PDE9A: variants seen among roughly 807,000 people sequenced by gnomAD.
PDE9A encodes phosphodiesterase 9A.
PDE9A carries 60 observed loss-of-function variants against 87.4 expected under a neutral mutation model. The observed-to-expected ratio is 0.69, with a 90% confidence interval of 0.56 to 0.85. The LOEUF is 0.85. Among genes scored for constraint, PDE9A ranks in the 40% least tolerant of loss-of-function variants. PDE9A has a pLI of 0.00. For missense variants in PDE9A, 665 were observed against 779.0 expected (o/e 0.85, Z 1.74); for synonymous variants, 272 against 279.4 (o/e 0.97, Z 0.27).
Position 42,768,193 on chromosome 21 carries a change from G to T in PDE9A, c.1362G>T (p.Lys454Asn), listed in dbSNP as rs756000229. 6.3e-7 allele frequency: 1 copy of T among 1,596,990 alleles called. No individual in the cohort carries two copies. The highest frequency in any genetic ancestry group is 8.6e-7 in the Non-Finnish European group (1 of 1,164,286). ...TCCAAAATCTCTTCTTTCAGCTGAA[G>T]ATGATTTTGATAAAATGCTGTGATA... ...YSNEEHMTLL[K>N]MILIKCCDIS... Residue 454 changes from lysine (K) to asparagine (N), a missense_variant, in exon 16 of 20, where the codon AAG (lysine) becomes AAT (asparagine). By Grantham distance (94) the Lys-to-Asn change is moderately conservative. Transcript: ENST00000291539.
At chr21:42,756,213 T>C (rs948538396) in intron 10 of PDE9A, among the ~76,000 whole-genome samples, 5 of 152,300 alleles carry the variant, frequency 3.3e-5, no homozygotes, top group African/African-American at 1.2e-4. Context: ...AGTATCTAGC[T>C]GCCTGTGTGT....
chr21:42,684,148 C>T (rs556423899), intron 1 of PDE9A, among the ~76,000 whole-genome samples: 8 of 152,382 alleles, frequency 5.2e-5, no homozygotes, highest in Admixed American at 2.0e-4. Context: ...GCCAGAAGCA[C>T]GCTTTGAAGA....
chr21:42,760,276 A>T lies in PDE9A; in HGVS notation c.898-52A>T. ...CAGCCTTCTGGGTGGCTTTGGGAGG[A>T]GAGGTGGGCGGGCCCAGGCACAGGG... On this transcript the variant is annotated intron_variant, in intron 11 of 19. Coordinates refer to ENST00000291539, the MANE Select transcript of PDE9A (RefSeq NM_002606.3). The surrounding 1 kb of genome is among the most constrained non-coding windows in gnomAD (Gnocchi z 5.2). 5.7e-6 allele frequency: 6 copies of T among 1,057,074 alleles called. No homozygotes were observed. The highest frequency in any genetic ancestry group is 8.8e-6 in the Non-Finnish European group (6 of 682,704). The allele number at this position is 1,057,074 out of a possible 1,614,324, so 65.5% of individuals were successfully genotyped here.
rs1324979329 is a variant in PDE9A at position 42,704,380 on chromosome 21, GCTTTT to G, written c.262+5374_262+5378del. Among the ~76,000 whole-genome samples, 1 of 150,268 alleles carries G rather than the reference GCTTTT, an allele frequency of 6.7e-6. No individual in the cohort carries two copies. Among genetic ancestry groups the G allele is most frequent in the Non-Finnish European group, 1.5e-5 (1 of 67,754 alleles). ...CTCTCCAAATAGGCCAGTGTTCCAGGCTTTTCTTTAGGAGACAAAGTCGGTGTCAG... is the reference window on the plus strand; with the variant it reads ...CTCTCCAAATAGGCCAGTGTTCCAGGCTTTAGGAGACAAAGTCGGTGTCAG... On this transcript the variant is annotated intron_variant, in intron 4 of 19. Coordinates refer to ENST00000291539, the MANE Select transcript of PDE9A (RefSeq NM_002606.3). The surrounding 1 kb of genome is among the most constrained non-coding windows in gnomAD (Gnocchi z 5.3).
chr21:42,739,856 A>G lies in PDE9A; in HGVS notation c.569-3920A>G, dbSNP rs1238853224. On this transcript the variant is annotated intron_variant, in intron 7 of 19. Transcript: ENST00000291539. This position sits in a 1 kb window ranked among gnomAD's most constrained non-coding sequence, Gnocchi z 4.1. The stretch of plus-strand genomic sequence containing the variant: ...ATTTAGCAGCAAAAATGTGATCTGA[A>G]CTGACATGAAGCCCTTGGTATTTAT... Among the ~76,000 whole-genome samples the G allele has an allele frequency of 6.6e-6, 1 of 152,030 alleles. No individual in the cohort carries two copies. The highest frequency in any genetic ancestry group is 1.5e-5 in the Non-Finnish European group (1 of 67,998).
intron 19 of PDE9A, among the ~76,000 whole-genome samples, chr21:42,773,928 C>T (rs2057281825): frequency 6.8e-6 from 1 of 146,788 alleles, no homozygotes; most frequent in Non-Finnish European, 1.5e-5. Flanking sequence ...CACGGTGAAA[C>T]CCTTCTCTAC....
rs995660852 is a variant in PDE9A at position 42,762,408 on chromosome 21, G to T, written c.1242+169G>T. Reference sequence around the variant, plus strand: ...CACCTCCTCCAGGGCCCAGAGTGGAGCCCCAAAAAGAGGGTACCCTCGCCA... The same window carrying T: ...CACCTCCTCCAGGGCCCAGAGTGGATCCCCAAAAAGAGGGTACCCTCGCCA... On this transcript the variant is annotated intron_variant, in intron 14 of 19. Coordinates refer to ENST00000291539, the MANE Select transcript of PDE9A (RefSeq NM_002606.3). Among the ~76,000 whole-genome samples, 3 of 152,166 alleles carry T rather than the reference G, an allele frequency of 2.0e-5. No individual in the cohort carries two copies. The East Asian group carries it at 5.8e-4, about 29-fold the overall frequency.
rs199637114 is a variant in PDE9A at position 42,731,859 on chromosome 21, C to T, written c.352C>T (p.Arg118Trp). Reference sequence around the variant, plus strand: ...ACGGGTTGTGGGCCTGGAGCAGCCCCGGAGGGAAGGAGCATTTGAAAGTGG... The same window carrying T: ...ACGGGTTGTGGGCCTGGAGCAGCCCTGGAGGGAAGGAGCATTTGAAAGTGG... Reference protein sequence around the residue: ...DRRVVGLEQPRREGAFESGQV... With the variant: ...DRRVVGLEQPWREGAFESGQV... The change falls in exon 5 of 20, where the codon CGG becomes TGG. Residue 118 changes from arginine to tryptophan, a missense_variant. Physicochemically the swap from Arg to Trp is moderately radical, Grantham distance 101. Coordinates refer to ENST00000291539, the MANE Select transcript of PDE9A (RefSeq NM_002606.3). 1.9e-4 allele frequency: 301 copies of T among 1,614,048 alleles called. No homozygotes were observed. The highest frequency in any genetic ancestry group is 6.5e-5 in the Non-Finnish European group (77 of 1,180,034).
In PDE9A at chr21:42,699,452, C is replaced by T. The variant is rs116668528; in HGVS notation, c.262+441C>T. On this transcript the variant is annotated intron_variant, in intron 4 of 19. Coordinates refer to ENST00000291539, the MANE Select transcript of PDE9A (RefSeq NM_002606.3). ...CCTGGCCCAGCACCTGTCCTCCCCG[C>T]TCCACTGTGAGTTGCCAAGGCAGGC... Among the ~76,000 whole-genome samples, 436 of 152,374 alleles carry T rather than the reference C, an allele frequency of 2.9e-3. 3 individuals are homozygous for T. The highest frequency in any genetic ancestry group is 4.7e-3 in the Non-Finnish European group (320 of 68,040).
At chr21:42,769,241 A>G in intron 17 of PDE9A, 86 bp downstream of exon 17, 1 of 1,216,380 alleles carries the variant, frequency 8.2e-7, no homozygotes, top group South Asian at 1.4e-5. Context: ...ACACATATGC[A>G]CACAGGTACA....
rs1251482372 is a variant in PDE9A at position 42,772,476 on chromosome 21, C to T, written c.1724C>T (p.Thr575Ile). ...ACTGACAGCTTGACGTCTGGGGCCA[C>T]CGAGAAGTCCAGAGAGAGAAGCAGA... ...KKTDSLTSGA[T>I]EKSRERSRDV... The change falls in exon 19 of 20, where the codon ACC (threonine) becomes ATC (isoleucine). Residue 575 changes from threonine to isoleucine, a missense_variant. Transcript: ENST00000291539. 2.5e-6 allele frequency: 4 copies of T among 1,610,476 alleles called. No individual in the cohort carries two copies. The highest frequency in any genetic ancestry group is 2.5e-6 in the Non-Finnish European group (3 of 1,178,770).
At chr21:42,663,525 G>A (rs531261094) in intron 1 of PDE9A, among the ~76,000 whole-genome samples, 195 of 152,322 alleles carry the variant, frequency 1.3e-3, no homozygotes, top group African/African-American at 4.6e-3. Context: ...TTATCTCATT[G>A]CCCGATGTGA....
intron 8 of PDE9A, among the ~76,000 whole-genome samples, chr21:42,745,925 C>T (rs2053800038): frequency 6.6e-6 from 1 of 152,250 alleles, no homozygotes; most frequent in South Asian, 2.1e-4. Flanking sequence ...GGGAACTCCA[C>T]CGCCCCAAGG....
intron 4 of PDE9A, among the ~76,000 whole-genome samples, chr21:42,727,623 T>C (rs1279249990): frequency 6.7e-6 from 1 of 149,996 alleles, no homozygotes; most frequent in Non-Finnish European, 1.5e-5. Context: ...CATGTGCCAC[T>C]ATGTGTGGCT....
At chr21:42,765,302 G>A in intron 14 of PDE9A, 79 bp from the exon 15 acceptor site, 1 of 719,680 alleles carries the variant, frequency 1.4e-6, no homozygotes, top group Non-Finnish European at 2.4e-6. Flanking sequence ...GTGTGCAGGG[G>A]GCTCAGTACA....
rs765817384 is a variant in PDE9A at position 42,770,703 on chromosome 21, C to T, written c.1591C>T (p.Leu531Phe). 1.9e-6 allele frequency: 3 copies of T among 1,611,850 alleles called. No homozygotes were observed. Among genetic ancestry groups the T allele is most frequent in the East Asian group, 2.2e-5 (1 of 44,872 alleles). The part of the protein sequence containing the change: ...LIPMFETVTK[L>F]FPMVEEIMLQ... The stretch of plus-strand genomic sequence containing the variant: ...GAATAAATCCGTGTGTCTCTCCCAG[C>T]TCTTCCCCATGGTTGAGGAGATCAT... Residue 531 changes from leucine to phenylalanine, a missense_variant and splice_region_variant, in exon 18 of 20, where the codon CTC becomes TTC. Transcript: ENST00000291539.
At position 42,760,956 on chromosome 21, in the gene PDE9A, A is replaced by G. The variant is rs1329486641; in HGVS notation, c.1085+49A>G. 29 of 1,197,916 alleles carry G rather than the reference A, an allele frequency of 2.4e-5. No individual in the cohort carries two copies. The highest frequency in any genetic ancestry group is 3.4e-5 in the Non-Finnish European group (27 of 801,884). 74.2% of individuals were successfully genotyped at this position (1,197,916 alleles called of 1,614,324 possible). A position where few individuals can be genotyped will look rare whatever the true frequency, so the allele number is the denominator to read the frequency against. ...TTTCCTTTTAAAAGGCACCCTGGCT[A>G]CTGGAGGGAACCTGTCAGCCCAACC... is the stretch of plus-strand genomic sequence containing the variant. On this transcript the variant is annotated intron_variant, in intron 13 of 19. Coordinates refer to ENST00000291539, the MANE Select transcript of PDE9A (RefSeq NM_002606.3). The surrounding 1 kb of genome is among the most constrained non-coding windows in gnomAD (Gnocchi z 5.2).
intron 7 of PDE9A, among the ~76,000 whole-genome samples, chr21:42,737,612 C>G (rs1193467180): frequency 2.0e-5 from 3 of 152,202 alleles, no homozygotes; most frequent in African/African-American, 7.2e-5. Flanking sequence ...TGCCCGCCAC[C>G]ATGTCCGGCT....
intron 1 of PDE9A, among the ~76,000 whole-genome samples, chr21:42,656,889 C>T (rs1041160085): frequency 3.9e-5 from 6 of 152,222 alleles, no homozygotes; most frequent in African/African-American, 1.2e-4. Context: ...TGCCCCTGTG[C>T]TGCTGTGCTA....
Sources: allele counts gnomAD v4.1 joint callset (sites outside exome capture counted in the v4.1 genomes callset), GRCh38; gene constraint gnomAD v4.1.1; non-coding constraint Gnocchi (gnomAD v3.1); transcripts MANE v1.5; gene names NCBI Gene and HGNC (gene_info 2026-07-23, HGNC 2026-07-21).